The following STPG2 variants were observed in gnomAD, a reference collection of about 807,000 sequenced individuals.
STPG2 encodes the protein sperm-tail PG-rich repeat-containing protein 2.
Under a neutral mutation model 54.2 loss-of-function variants are expected in STPG2, and 56 were observed. That is an observed-to-expected ratio of 1.03 (90% CI 0.83 to 1.29). The LOEUF (loss-of-function observed/expected upper bound fraction) is 1.29. Ranked by LOEUF, STPG2 falls within the 50% of genes most tolerant of loss-of-function variation. STPG2 has a pLI of 0.00. For missense variants in STPG2, 596 were observed against 544.9 expected, an observed-to-expected ratio of 1.09 and a Z score of -0.93; for synonymous variants, 200 against 181.8, an observed-to-expected ratio of 1.10 and a Z score of -0.81.
intron 10 of STPG2, among the ~76,000 whole-genome samples, chr4:97,705,388 C>T (rs965667816): frequency 2.8e-4 from 43 of 151,876 alleles, no homozygotes; most frequent in Middle Eastern, 3.4e-3. Context: ...TGCAGTGGCG[C>T]GATCTCGGCT....
intron 5 of STPG2, among the ~76,000 whole-genome samples, chr4:98,076,259 AAGC>A (rs1738163253): frequency 1.3e-5 from 2 of 151,346 alleles, no homozygotes; most frequent in Non-Finnish European, 2.9e-5. Flanking sequence ...AAAAAAAAAG[AAGC>A]AGCAAATGAG....
chr4:98,053,706 G>C (rs563542945), intron 5 of STPG2, among the ~76,000 whole-genome samples: 21 of 152,136 alleles, frequency 1.4e-4, no homozygotes, highest in African/African-American at 4.8e-4. Flanking sequence ...TAATTGCCTT[G>C]AGACATAATT....
At chr4:97,984,801 T>TTCCATGGTGTAAACAC (rs11272449) in intron 5 of STPG2, among the ~76,000 whole-genome samples, 1 of 152,006 alleles carries the variant, frequency 6.6e-6, no homozygotes, top group African/African-American at 2.4e-5. Context: ...ATTTGCTGAT[T>TTCCATGGTGTAAACAC]ACCCGCAACA....
intron 8 of STPG2, among the ~76,000 whole-genome samples, chr4:97,890,851 A>G (rs1730743285): frequency 1.3e-5 from 2 of 152,000 alleles, no homozygotes; most frequent in Non-Finnish European, 2.9e-5. Context: ...ACTTATGACA[A>G]GATATGAAAT....
rs572238973 is a variant in STPG2, at chr4:97,965,021, C to A, written c.933+7259G>T. ...TGGGTGCAGCCCACAGAGGGCAAGC[C>A]GAAGTAGGACAGGGCATCACCTCAC... On this transcript the variant is annotated intron_variant, in intron 7 of 10. Transcript: ENST00000295268. Among the ~76,000 whole-genome samples, 5 of 152,248 alleles carry A rather than the reference C, an allele frequency of 3.3e-5. No homozygotes were observed. In the East Asian group the frequency reaches 9.7e-4, roughly 29 times the overall value.
At chr4:97,630,829 T>A (rs1447149223) in intron 10 of STPG2, among the ~76,000 whole-genome samples, 2 of 151,802 alleles carry the variant, frequency 1.3e-5, no homozygotes, top group Non-Finnish European at 3.0e-5. Context: ...CAAAGAATAA[T>A]ATTATGTAAT....
In STPG2 at chr4:97,780,866, A is replaced by T. The variant is rs1479149285; in HGVS notation, c.1204+59907T>A. ...TAAGGAAATGAAGGCAGAAATAAAGATGTTCTTTGAAACCAACGAGAACAA... is the reference window on the plus strand; with the variant it reads ...TAAGGAAATGAAGGCAGAAATAAAGTTGTTCTTTGAAACCAACGAGAACAA... On this transcript the variant is annotated intron_variant, in intron 9 of 10. Transcript: ENST00000295268. Among the ~76,000 whole-genome samples the T allele has an allele frequency of 2.0e-5, 3 of 152,172 alleles. No homozygotes were observed. The East Asian group carries it at 5.8e-4, about 29-fold the overall frequency.
chr4:98,035,817 A>G (rs1736758080), intron 5 of STPG2, among the ~76,000 whole-genome samples: 1 of 152,062 alleles, frequency 6.6e-6, no homozygotes, highest in African/African-American at 2.4e-5. Flanking sequence ...GAAGCTGGAA[A>G]CCATCATTCT....
At chr4:97,858,903 G>T (rs1218292695) in intron 8 of STPG2, among the ~76,000 whole-genome samples, 2 of 152,098 alleles carry the variant, frequency 1.3e-5, no homozygotes, top group African/African-American at 4.8e-5. Context: ...TTTCCTCTGG[G>T]TAGATACCCA....
intron 8 of STPG2, among the ~76,000 whole-genome samples, chr4:97,886,487 T>G (rs12641151): frequency 0.16 from 24,597 of 152,078 alleles, 2,157 homozygotes; most frequent in East Asian, 0.36. Flanking sequence ...GTGAGCACTT[T>G]CAAAGAAATC....
chr4:97,813,821 A>C (rs1727824350), intron 9 of STPG2, among the ~76,000 whole-genome samples: 1 of 151,626 alleles, frequency 6.6e-6, no homozygotes, highest in Non-Finnish European at 1.5e-5. Context: ...AAAAAATACT[A>C]ATGATTTCCT....
At chr4:97,634,466 T>A (rs1396257418) in intron 10 of STPG2, among the ~76,000 whole-genome samples, 2 of 152,262 alleles carry the variant, frequency 1.3e-5, no homozygotes, top group East Asian at 3.9e-4. Flanking sequence ...GCTCCTCACC[T>A]GCAACAGAAC....
chr4:97,757,104 A>C (rs190640216), intron 9 of STPG2, among the ~76,000 whole-genome samples: 52 of 152,304 alleles, frequency 3.4e-4, no homozygotes, highest in Non-Finnish European at 1.5e-5. Context: ...TACGAGAAAT[A>C]TGAATTCATA....
chr4:97,686,347 C>G (rs1656186773), intron 10 of STPG2, among the ~76,000 whole-genome samples: 1 of 151,980 alleles, frequency 6.6e-6, no homozygotes, highest in Admixed American at 6.6e-5. Context: ...CCGTAGGAAA[C>G]TAAAAGTTGA....
chr4:97,463,457 T>C (rs185831088), intron 4 of STPG2: 1 of 152,318 alleles, frequency 6.6e-6, no homozygotes, highest in East Asian at 1.9e-4. Context: ...GTTTTTTGTT[T>C]ATTGTTTTTG....
chr4:97,639,399 A>G (rs529988199), intron 10 of STPG2, among the ~76,000 whole-genome samples: 7 of 152,132 alleles, frequency 4.6e-5, no homozygotes, highest in Admixed American at 4.6e-4. Context: ...ATGCTAGGTG[A>G]CGAGTTAGTG....
intron 9 of STPG2, among the ~76,000 whole-genome samples, chr4:97,761,751 T>A (rs951413244): frequency 1.3e-5 from 2 of 152,176 alleles, no homozygotes; most frequent in Non-Finnish European, 2.9e-5. Flanking sequence ...TAAATCTCTT[T>A]CTGAAGAAAT....
chr4:97,629,007 C>A (rs1488201120), intron 10 of STPG2, among the ~76,000 whole-genome samples: 15 of 151,904 alleles, frequency 9.9e-5, no homozygotes, highest in Admixed American at 9.8e-4. Flanking sequence ...ATATTTAAAT[C>A]TTTAAATATC....
intron 8 of STPG2, among the ~76,000 whole-genome samples, chr4:97,927,418 C>T (rs1257814832): frequency 2.0e-5 from 3 of 152,050 alleles, no homozygotes; most frequent in Non-Finnish European, 4.4e-5. Flanking sequence ...CTTCTACTGC[C>T]TTTCCCACTA....
Sources: allele counts gnomAD v4.1 joint callset (sites outside exome capture counted in the v4.1 genomes callset), GRCh38; gene constraint gnomAD v4.1.1; transcripts MANE v1.5; gene names NCBI Gene and HGNC (gene_info 2026-07-23, HGNC 2026-07-21).